Variants in MORC1 observed in about 807,000 individuals in gnomAD.
MORC1 encodes the protein MORC family CW-type zinc finger 1.
A neutral mutation model predicts 134.9 loss-of-function variants in MORC1; 59 were observed. That is an observed-to-expected ratio of 0.44 (90% confidence interval 0.35 to 0.54). The LOEUF is 0.54. Ranked by LOEUF, MORC1 falls within the 20% of genes least tolerant of loss-of-function variation. MORC1 has a pLI of 0.00. For missense variants in MORC1, 947 were observed against 1,134.5 expected (o/e 0.83, Z 2.37); for synonymous variants, 395 against 391.7 (o/e 1.01, Z -0.10).
At chr3:109,009,197 G>GTTTTTTTTTTTTTTTTT (rs201228015) in intron 17 of MORC1, among the ~76,000 whole-genome samples, 3 of 133,810 alleles carry the variant, frequency 2.2e-5, no homozygotes, top group Non-Finnish European at 1.6e-5. Context: ...CTATTTTTAC[G>GTTTTTTTTTTTTTTTTT]TTTTTTGTTG....
chr3:109,020,189 A>C (rs1948921628), intron 17 of MORC1, among the ~76,000 whole-genome samples: 2 of 152,268 alleles, frequency 1.3e-5, no homozygotes, highest in South Asian at 2.1e-4. Flanking sequence ...GCTCCTGTTC[A>C]GATGCATTTT....
At chr3:109,060,239 G>A (rs1405341904) in intron 11 of MORC1, among the ~76,000 whole-genome samples, 3 of 149,498 alleles carry the variant, frequency 2.0e-5, no homozygotes, top group African/African-American at 7.4e-5. Context: ...GCTCAATTAT[G>A]TGACCACGAA....
At chr3:109,000,166 T>C (rs1948361795) in intron 21 of MORC1, among the ~76,000 whole-genome samples, 1 of 152,212 alleles carries the variant, frequency 6.6e-6, no homozygotes, top group African/African-American at 2.4e-5. Flanking sequence ...CAATTCAGAA[T>C]TAAACCTTCT....
At chr3:109,112,350 T>C (rs1301005515) in intron 2 of MORC1, among the ~76,000 whole-genome samples, 1 of 152,230 alleles carries the variant, frequency 6.6e-6, no homozygotes, top group East Asian at 1.9e-4. Flanking sequence ...TTTTTAAAAC[T>C]ACAGGAAATC....
intron 27 of MORC1, among the ~76,000 whole-genome samples, chr3:108,960,543 G>C (rs1947053451): frequency 6.6e-6 from 1 of 152,160 alleles, no homozygotes; most frequent in African/African-American, 2.4e-5. Context: ...AATTTTTTGG[G>C]ATACTCAGGG....
intron 8 of MORC1, among the ~76,000 whole-genome samples, chr3:109,085,559 A>G (rs1359546154): frequency 6.6e-6 from 1 of 151,674 alleles, no homozygotes. Context: ...CCACAATGAG[A>G]TATCATCTCA....
In MORC1 at chr3:109,027,813, C is replaced by G. The variant is rs745709230; in HGVS notation, c.1642G>C (p.Glu548Gln). 1 of 1,613,866 alleles carries G rather than the reference C, an allele frequency of 6.2e-7. No homozygotes were observed. The highest frequency in any genetic ancestry group is 8.5e-7 in the Non-Finnish European group (1 of 1,179,874). The change falls in exon 17 of 28, where the codon GAG becomes CAG. Residue 548 changes from glutamate to glutamine, a missense_variant. By Grantham distance (29) the Glu-to-Gln change is conservative. Coordinates refer to ENST00000232603, the MANE Select transcript of MORC1 (RefSeq NM_014429.4). ...STISPSKNEK[E>Q]KQLRESVIKY... Reference sequence around the variant, plus strand: ...ATGACCGACTCTCTAAGTTGCTTCTCTTTCTCATTTTTTGATGGTGATATT... The same window carrying G: ...ATGACCGACTCTCTAAGTTGCTTCTGTTTCTCATTTTTTGATGGTGATATT...
At chr3:109,072,999 T>C (rs993561283) in intron 8 of MORC1, among the ~76,000 whole-genome samples, 1 of 149,702 alleles carries the variant, frequency 6.7e-6, no homozygotes, top group Non-Finnish European at 1.5e-5. Context: ...ACAGGACAGA[T>C]GTGGGGAAAG....
intron 14 of MORC1, among the ~76,000 whole-genome samples, chr3:109,053,845 G>C (rs189427569): frequency 3.9e-5 from 6 of 152,284 alleles, no homozygotes; most frequent in Admixed American, 3.9e-4. Context: ...TGTCTCTGAG[G>C]AGTGAGGTGA....
At chr3:109,050,373 G>A (rs545736686) in intron 14 of MORC1, among the ~76,000 whole-genome samples, 4 of 152,282 alleles carry the variant, frequency 2.6e-5, no homozygotes, top group South Asian at 2.1e-4. Flanking sequence ...AGTCTGGTGA[G>A]GGCTTGCTTC....
chr3:108,974,086 G>C (rs1241280953), intron 24 of MORC1, among the ~76,000 whole-genome samples: 3 of 151,770 alleles, frequency 2.0e-5, no homozygotes, highest in African/African-American at 7.3e-5. Flanking sequence ...CCCTCCTTCA[G>C]TGTCTGTCTC....
At chr3:108,959,203 TC>T in intron 27 of MORC1, 83 bp from the exon 28 acceptor site, 1 of 1,183,296 alleles carries the variant, frequency 8.5e-7, no homozygotes, top group Non-Finnish European at 1.2e-6. Flanking sequence ...CTAACAGTCT[TC>T]CCTATGACTC....
At chr3:109,027,608 G>C (rs1484190547) in intron 17 of MORC1, 143 bp downstream of exon 17, 1 of 1,060,704 alleles carries the variant, frequency 9.4e-7, no homozygotes, top group Non-Finnish European at 1.4e-6. Context: ...ACAGGTCTTA[G>C]ATCCAAAATT....
chr3:109,070,960 A>G (rs1311902442), intron 8 of MORC1, among the ~76,000 whole-genome samples: 2 of 152,068 alleles, frequency 1.3e-5, no homozygotes. Context: ...CTAGTCCATC[A>G]CTCTTATTCC....
At chr3:108,996,288 A>G (rs62272131) in intron 21 of MORC1, among the ~76,000 whole-genome samples, 93 of 54,386 alleles carry the variant, frequency 1.7e-3, no homozygotes, top group South Asian at 3.0e-3. Flanking sequence ...GCGCGCGCGC[A>G]CACACACACA....
chr3:109,019,067 A>C (rs995935327), intron 17 of MORC1: 4 of 152,146 alleles, frequency 2.6e-5, no homozygotes, highest in African/African-American at 9.7e-5. Flanking sequence ...ATGTTCAGAG[A>C]AGCTTCTCTA....
chr3:109,024,921 G>A (rs1949039023), intron 17 of MORC1, among the ~76,000 whole-genome samples: 1 of 152,048 alleles, frequency 6.6e-6, no homozygotes, highest in Non-Finnish European at 1.5e-5. Context: ...ACTTCTAAAG[G>A]GTTTTAGAAT....
At chr3:109,020,765 A>AAAAAAACAAAAAC (rs1948939776) in intron 17 of MORC1, among the ~76,000 whole-genome samples, 1 of 120,206 alleles carries the variant, frequency 8.3e-6, no homozygotes, top group Non-Finnish European at 1.7e-5. Context: ...ACTCTGTCTC[A>AAAAAAACAAAAAC]AAAAAAAAAA....
At chr3:108,988,748 G>GA (rs1364654196) in intron 21 of MORC1, among the ~76,000 whole-genome samples, 3 of 152,128 alleles carry the variant, frequency 2.0e-5, no homozygotes, top group Non-Finnish European at 2.9e-5. Flanking sequence ...CAAACAAGAT[G>GA]AAAGTATCCA....
Sources: allele counts gnomAD v4.1 joint callset (sites outside exome capture counted in the v4.1 genomes callset), GRCh38; gene constraint gnomAD v4.1.1; transcripts MANE v1.5; gene names NCBI Gene and HGNC (gene_info 2026-07-23, HGNC 2026-07-21).